Variants in WBP2NL observed in about 807,000 individuals in gnomAD.
WBP2NL encodes the protein postacrosomal sheath WW domain-binding protein.
A neutral mutation model predicts 23.3 loss-of-function variants in WBP2NL; 27 were observed. That is an observed-to-expected ratio of 1.16 (90% CI 0.85 to 1.60). The LOEUF (loss-of-function observed/expected upper bound fraction) is 1.60. WBP2NL is among the 40% of genes most tolerant of loss of function. WBP2NL has a pLI of 0.00. For synonymous variants in WBP2NL, 151 were observed against 145.9 expected, an observed-to-expected ratio of 1.03 and a Z score of -0.25; for missense variants, 370 against 389.5, an observed-to-expected ratio of 0.95 and a Z score of 0.42.
chr22:42,047,142 C>T (rs1925616579), intron 8 of WBP2NL, among the ~76,000 whole-genome samples: 1 of 151,778 alleles, frequency 6.6e-6, no homozygotes, highest in South Asian at 2.1e-4. Context: ...AAAGTTGGTC[C>T]ATTAGTTGTA....
At chr22:42,036,132 A>G (rs1925171973), downstream of WBP2NL, among the ~76,000 whole-genome samples, 1 of 152,150 alleles carries the variant, frequency 6.6e-6, no homozygotes, top group Admixed American at 6.6e-5. Flanking sequence ...ATGGGAGTAC[A>G]GATATCCCTT....
At chr22:42,024,708 T>A (rs1602464664) in intron 5 of WBP2NL, among the ~76,000 whole-genome samples, 1 of 152,228 alleles carries the variant, frequency 6.6e-6, no homozygotes, top group South Asian at 2.1e-4. Flanking sequence ...TGTTGTTGAG[T>A]TGTAAGCATT....
intron 1 of WBP2NL, among the ~76,000 whole-genome samples, chr22:42,012,728 C>T (rs1380297691): frequency 6.6e-6 from 1 of 152,074 alleles, no homozygotes; most frequent in Non-Finnish European, 1.5e-5. Context: ...CACGGTGGCT[C>T]TCGCCTGTAA....
chr22:42,000,551 A>G (rs898573508), intron 1 of WBP2NL, among the ~76,000 whole-genome samples: 1 of 152,208 alleles, frequency 6.6e-6, no homozygotes, highest in African/African-American at 2.4e-5. Flanking sequence ...TTAAGAGAAA[A>G]CTGGTCAGAT....
At chr22:42,045,771 A>G (rs745923101) in intron 8 of WBP2NL, among the ~76,000 whole-genome samples, 62 of 152,270 alleles carry the variant, frequency 4.1e-4, no homozygotes, top group Non-Finnish European at 6.3e-4. Context: ...GGTAAATTCA[A>G]TATGTTCCAG....
chr22:42,032,605 AT>A (rs1925019747), downstream of WBP2NL: 2 of 269,164 alleles, frequency 7.4e-6, no homozygotes, highest in South Asian at 8.1e-5. Flanking sequence ...CAAATTAATA[AT>A]GTAAAAATTT....
intron 8 of WBP2NL, among the ~76,000 whole-genome samples, chr22:42,048,967 G>A (rs1267150624): frequency 6.6e-6 from 1 of 152,084 alleles, no homozygotes; most frequent in Non-Finnish European, 1.5e-5. Context: ...ACCTCCTGTT[G>A]GAAGTTCTGG....
chr22:42,058,176 A>T (rs1444136139), intron 8 of WBP2NL: 1 of 151,686 alleles, frequency 6.6e-6, no homozygotes, highest in African/African-American at 2.4e-5. Context: ...TCAGCCTCCC[A>T]AAGTGCTGGG....
At chr22:42,040,275 T>G (rs1177642531) in intron 8 of WBP2NL, among the ~76,000 whole-genome samples, 3 of 150,654 alleles carry the variant, frequency 2.0e-5, no homozygotes, top group Admixed American at 1.3e-4. Context: ...TAGGCTGGAG[T>G]GCAATGGTGC....
At chr22:42,056,851 C>T (rs1410301813) in intron 8 of WBP2NL, among the ~76,000 whole-genome samples, 2 of 152,090 alleles carry the variant, frequency 1.3e-5, no homozygotes, top group Non-Finnish European at 2.9e-5. Context: ...TTGTGACAAA[C>T]AATCCAATTA....
In WBP2NL at chr22:42,049,705, C is replaced by CAAAAAAAA. The variant is rs1158837575; in HGVS notation, c.*274-8566_*274-8559dup. ...ACTCCGTCTCCAAAACAAAACAAAA[C>CAAAAAAAA]AAAAAAAAAAAAAAAAAAAAAAAAA... On this transcript the variant is annotated intron_variant and NMD_transcript_variant, in intron 8 of 8. Coordinates refer to the WBP2NL transcript ENST00000436265. Among the ~76,000 whole-genome samples, 122 of 37,414 alleles carry CAAAAAAAA rather than the reference C, an allele frequency of 3.3e-3. 1 individual carries two copies. Among genetic ancestry groups the CAAAAAAAA allele is most frequent in the Non-Finnish European group, 4.6e-3 (93 of 20,348 alleles). 24.5% of individuals were successfully genotyped at this position (37,414 alleles called of 152,430 possible).
intron 1 of WBP2NL, among the ~76,000 whole-genome samples, chr22:41,999,297 C>T (rs112861958): frequency 1.4e-3 from 220 of 152,298 alleles, no homozygotes; most frequent in African/African-American, 5.0e-3. Flanking sequence ...AGGACAGGTA[C>T]TGGGTGTGTA....
chr22:42,001,917 A>C, intron 1 of WBP2NL: 1 of 1,445,618 alleles, frequency 6.9e-7, no homozygotes, highest in Non-Finnish European at 9.1e-7. Flanking sequence ...GGCTGCGGCC[A>C]CTCCACCTGC....
downstream of WBP2NL, among the ~76,000 whole-genome samples, chr22:42,028,814 T>C (rs1226150137): frequency 2.6e-5 from 4 of 152,258 alleles, no homozygotes; most frequent in Non-Finnish European, 5.9e-5. Flanking sequence ...ATGCTTCACC[T>C]ACATCACTGG....
At chr22:42,028,581 A>G (rs1924711725), downstream of WBP2NL, 1 of 152,320 alleles carries the variant, frequency 6.6e-6, no homozygotes, top group Admixed American at 6.5e-5. Context: ...AGGTATAAAG[A>G]TTAGAAGTGC....
downstream of WBP2NL, among the ~76,000 whole-genome samples, chr22:42,033,860 G>C (rs1279778546): frequency 1.3e-5 from 2 of 152,222 alleles, no homozygotes; most frequent in Non-Finnish European, 2.9e-5. Context: ...TGGTCCATAT[G>C]TGGCCATGGG....
chr22:42,036,837 T>C (rs971399810), downstream of WBP2NL, among the ~76,000 whole-genome samples: 1 of 152,226 alleles, frequency 6.6e-6, no homozygotes, highest in African/African-American at 2.4e-5. Flanking sequence ...TAATCCCTTA[T>C]CAGCTATATA....
chr22:42,028,040 T>G lies in WBP2NL; in HGVS notation c.*859T>G, dbSNP rs1398361911. The G allele has an allele frequency of 2.5e-6, 1 of 398,426 alleles. No individual in the cohort carries two copies. Among genetic ancestry groups the G allele is most frequent in the Non-Finnish European group, 4.4e-6 (1 of 226,024 alleles). The allele number at this position is 398,426 out of a possible 1,614,324, so 24.7% of individuals were successfully genotyped here. A position where few individuals can be genotyped will look rare whatever the true frequency, so the allele number is the denominator to read the frequency against. On this transcript the variant is annotated 3_prime_UTR_variant, in exon 6 of 6. Coordinates refer to ENST00000328823, the MANE Select transcript of WBP2NL (RefSeq NM_152613.3). ...CTCTTGATATGGCACTTTCACATTT[T>G]AAAATATGCCTGCGAGAAAACTTGC...
intron 5 of WBP2NL, among the ~76,000 whole-genome samples, chr22:42,022,610 A>G (rs1444266766): frequency 6.6e-6 from 1 of 152,218 alleles, no homozygotes. Flanking sequence ...TGTTAGTGGG[A>G]AGGGTCACTT....
Sources: gnomAD v4.1 joint callset for allele counts (sites outside exome capture counted in the v4.1 genomes callset) on GRCh38, gnomAD v4.1.1 for gene constraint, MANE v1.5 for transcripts, NCBI Gene and HGNC (gene_info 2026-07-23, HGNC 2026-07-21) for gene names.